Variants in SCGB2B2 observed in about 807,000 individuals in gnomAD.
SCGB2B2 encodes secretoglobin family 2B member 2.
Under a neutral mutation model 7.6 loss-of-function variants are expected in SCGB2B2, and 11 were observed. That is an observed-to-expected ratio of 1.45 (90% confidence interval 0.91 to 2.40). The LOEUF is 2.40. Among genes scored for constraint, SCGB2B2 ranks in the 30% most tolerant of loss-of-function variants. SCGB2B2 has a pLI of 0.00. For synonymous variants in SCGB2B2, 50 were observed against 48.6 expected, an observed-to-expected ratio of 1.03 and a Z score of -0.12; for missense variants, 104 against 115.4, an observed-to-expected ratio of 0.90 and a Z score of 0.45.
At chr19:34,616,989 T>G (rs2066101915) in intron 1 of SCGB2B2, among the ~76,000 whole-genome samples, 1 of 152,202 alleles carries the variant, frequency 6.6e-6, no homozygotes, top group South Asian at 2.1e-4. Context: ...AAAGATCAGA[T>G]AGTTGTAGAT....
chr19:34,628,431 G>C (rs951415731), intron 1 of SCGB2B2, among the ~76,000 whole-genome samples: 1 of 151,770 alleles, frequency 6.6e-6, no homozygotes, highest in East Asian at 1.9e-4. Flanking sequence ...AATGATAAAG[G>C]AGACATCACC....
intron 1 of SCGB2B2, among the ~76,000 whole-genome samples, chr19:34,665,100 C>T (rs2146167669): frequency 6.6e-6 from 1 of 152,270 alleles, no homozygotes; most frequent in South Asian, 2.1e-4. Context: ...TGCCACCGCT[C>T]ACAGGACAAA....
intron 1 of SCGB2B2, among the ~76,000 whole-genome samples, chr19:34,602,805 T>C (rs1418355830): frequency 6.6e-6 from 1 of 152,186 alleles, no homozygotes; most frequent in Non-Finnish European, 1.5e-5. Flanking sequence ...TGTTTTCTTA[T>C]TGGCTTCTTT....
chr19:34,624,301 G>T (rs2066311867), intron 1 of SCGB2B2, among the ~76,000 whole-genome samples: 1 of 152,198 alleles, frequency 6.6e-6, no homozygotes, highest in African/African-American at 2.4e-5. Context: ...ATTCACTCAG[G>T]TTGAAATATC....
intron 1 of SCGB2B2, among the ~76,000 whole-genome samples, chr19:34,662,914 G>A (rs142004439): frequency 5.3e-5 from 8 of 152,154 alleles, no homozygotes; most frequent in African/African-American, 1.4e-4. Flanking sequence ...CTGGGCGGCT[G>A]AGAGAGACCC....
At chr19:34,630,693 G>T (rs566724320) in intron 1 of SCGB2B2, among the ~76,000 whole-genome samples, 2 of 152,236 alleles carry the variant, frequency 1.3e-5, no homozygotes, top group Non-Finnish European at 2.9e-5. Flanking sequence ...AACCATTGTG[G>T]AAGTCGGTGT....
In SCGB2B2 at chr19:34,592,781, G is replaced by C. The variant is rs181791381; in HGVS notation, c.*774C>G. ...GGTGACATGGCCACACAGACCCATGGCCTCATGCAGATTGCCTGGTCCCAC... is the reference window on the plus strand; with the variant it reads ...GGTGACATGGCCACACAGACCCATGCCCTCATGCAGATTGCCTGGTCCCAC... On this transcript the variant is annotated 3_prime_UTR_variant, in exon 4 of 4. Transcript: ENST00000601241. Among the ~76,000 whole-genome samples the C allele has an allele frequency of 1.3e-5, 2 of 152,296 alleles. No homozygotes were observed. Among genetic ancestry groups the C allele is most frequent in the African/African-American group, 4.8e-5 (2 of 41,564 alleles).
intron 1 of SCGB2B2, among the ~76,000 whole-genome samples, chr19:34,613,302 T>A (rs2065986138): frequency 6.6e-6 from 1 of 152,172 alleles, no homozygotes; most frequent in Non-Finnish European, 1.5e-5. Context: ...TTCACCATGT[T>A]GGCCCAGCTG....
intron 1 of SCGB2B2, among the ~76,000 whole-genome samples, chr19:34,624,760 A>T (rs184790826): frequency 2.6e-5 from 4 of 152,270 alleles, no homozygotes; most frequent in Admixed American, 2.0e-4. Flanking sequence ...ATCTTCTGTG[A>T]AAGGGAGCTA....
chr19:34,616,667 T>C (rs2145872253), intron 1 of SCGB2B2, among the ~76,000 whole-genome samples: 1 of 138,640 alleles, frequency 7.2e-6, no homozygotes, highest in African/African-American at 2.7e-5. Context: ...TTTCTTTTGC[T>C]GTGCAGAAGC....
chr19:34,668,435 C>G (rs954036552), intron 1 of SCGB2B2, among the ~76,000 whole-genome samples: 1 of 152,234 alleles, frequency 6.6e-6, no homozygotes, highest in Non-Finnish European at 1.5e-5. Context: ...GCCTCTCCCC[C>G]TCCTCTGTGG....
chr19:34,651,580 A>G (rs768747585), intron 1 of SCGB2B2, among the ~76,000 whole-genome samples: 9 of 151,290 alleles, frequency 5.9e-5, no homozygotes, highest in Non-Finnish European at 1.5e-5. Flanking sequence ...CAAAGAAGGT[A>G]GAAGACCTCT....
In SCGB2B2 at chr19:34,625,439, A is replaced by G. The variant is rs575729675; in HGVS notation, c.-2031-28845T>C. ...CCCACCCTAATACTGCACTTTTCCA[A>G]TGGTCTTAGCAAACTGCACACCAGG... On this transcript the variant is annotated intron_variant, in intron 1 of 3. Coordinates refer to ENST00000601241, the MANE Select transcript of SCGB2B2 (RefSeq NM_001025591.4). Among the ~76,000 whole-genome samples, 255 of 152,304 alleles carry G rather than the reference A, an allele frequency of 1.7e-3. 1 individual carries two copies. Among genetic ancestry groups the G allele is most frequent in the African/African-American group, 5.7e-3 (235 of 41,562 alleles).
At chr19:34,607,639 C>A (rs2065818026) in intron 1 of SCGB2B2, among the ~76,000 whole-genome samples, 1 of 152,168 alleles carries the variant, frequency 6.6e-6, no homozygotes, top group African/African-American at 2.4e-5. Flanking sequence ...GGATAGAAAC[C>A]ATGCTAATGT....
rs1426479361 is a variant in SCGB2B2, at chr19:34,652,725, C to G, written c.-2032+22905G>C. On this transcript the variant is annotated intron_variant, in intron 1 of 3. Coordinates refer to ENST00000601241, the MANE Select transcript of SCGB2B2 (RefSeq NM_001025591.4). ...AAGATACCAAACGCTGGTGAGGAAG[C>G]AAAGAAGAGGGAACTCTGGTGTGCT... Among the ~76,000 whole-genome samples the G allele has an allele frequency of 2.0e-5, 3 of 151,142 alleles. 1 individual carries two copies. Among genetic ancestry groups the G allele is most frequent in the African/African-American group, 4.9e-5 (2 of 40,534 alleles).
At chr19:34,670,703 G>A (rs1208580222) in intron 1 of SCGB2B2, among the ~76,000 whole-genome samples, 1 of 152,182 alleles carries the variant, frequency 6.6e-6, no homozygotes, top group Non-Finnish European at 1.5e-5. Flanking sequence ...TCTTAAAAGA[G>A]CATGTCGCAT....
chr19:34,654,458 T>C (rs1338671483), intron 1 of SCGB2B2, among the ~76,000 whole-genome samples: 1 of 151,292 alleles, frequency 6.6e-6, no homozygotes, highest in Non-Finnish European at 1.5e-5. Flanking sequence ...AGGTCAATTA[T>C]ATGTTAATAA....
intron 1 of SCGB2B2, among the ~76,000 whole-genome samples, chr19:34,625,092 T>C (rs999716758): frequency 1.3e-5 from 2 of 152,206 alleles, no homozygotes; most frequent in African/African-American, 4.8e-5. Flanking sequence ...CTGAGTAACA[T>C]TTCTGCAGTT....
chr19:34,649,575 G>A (rs150888628), intron 1 of SCGB2B2, among the ~76,000 whole-genome samples: 2 of 152,284 alleles, frequency 1.3e-5, no homozygotes, highest in African/African-American at 4.8e-5. Flanking sequence ...CCGGCCAGGT[G>A]TGGTTGCTTA....
Sources: allele counts gnomAD v4.1 joint callset (sites outside exome capture counted in the v4.1 genomes callset), GRCh38; gene constraint gnomAD v4.1.1; transcripts MANE v1.5; gene names NCBI Gene and HGNC (gene_info 2026-07-23, HGNC 2026-07-21).